The following BOD1L1 variants were observed in gnomAD, a reference collection of about 807,000 sequenced individuals.
BOD1L1 encodes the protein biorientation of chromosomes in cell division 1 like 1.
BOD1L1 carries 86 observed loss-of-function variants against 240.7 expected under a neutral mutation model. The observed-to-expected ratio is 0.36, with a 90% CI of 0.30 to 0.43. The LOEUF (loss-of-function observed/expected upper bound fraction) is 0.43. Among genes scored for constraint, BOD1L1 ranks in the 20% least tolerant of loss-of-function variants. The probability of loss-of-function intolerance (pLI) is 1.00; values close to 1 mark genes in which losing one functional copy is unlikely to be tolerated. For missense variants in BOD1L1, 3,554 were observed against 3,643.5 expected, an observed-to-expected ratio of 0.98 and a Z score of 0.63; for synonymous variants, 1,268 against 1,272.3, an observed-to-expected ratio of 1.00 and a Z score of 0.07.
At position 13,600,447 on chromosome 4, in the gene BOD1L1, T is replaced by A; in HGVS notation, c.6453A>T (p.Glu2151Asp). 6.2e-7 allele frequency: 1 copy of A among 1,613,820 alleles called. No homozygotes were observed. The highest frequency in any genetic ancestry group is 8.5e-7 in the Non-Finnish European group (1 of 1,179,844). Residue 2151 changes from glutamate (E) to aspartate (D), a missense_variant, in exon 10 of 26, where the codon GAA (glutamate) becomes GAT (aspartate). Glu to Asp is a conservative substitution (Grantham distance 45, BLOSUM62 2). Transcript: ENST00000040738. The part of the protein sequence containing the change: ...CAMISTSIGE[E>D]FELPISSATT... ...TTGCACTGGAGATAGGCAATTCGAA[T>A]TCTTCCCCTATGCTTGTGGAAATCA...
chr4:13,587,691 A>G lies in BOD1L1; in HGVS notation c.8353+8T>C. 1 of 1,534,772 alleles carries G rather than the reference A, an allele frequency of 6.5e-7. No individual in the cohort carries two copies. The highest frequency in any genetic ancestry group is 8.8e-7 in the Non-Finnish European group (1 of 1,130,432). On this transcript the variant is annotated splice_region_variant and intron_variant, in intron 16 of 25. Transcript: ENST00000040738. ...AGATGTCTAAAACAGAAACATAAAT[A>G]TAAATACCTGGTTCATCTTCTGAAG...
chr4:13,620,024 G>A lies in BOD1L1; in HGVS notation c.287C>T (p.Ala96Val), dbSNP rs1716921651. 17 of 1,610,304 alleles carry A rather than the reference G, an allele frequency of 1.1e-5. No individual in the cohort carries two copies. The highest frequency in any genetic ancestry group is 1.4e-5 in the Non-Finnish European group (16 of 1,178,080). ...NLRQRVDNFV[A>V]NHLATHTWSP... ...CCATGTGTGAGTTGCCAAGTGATTT[G>A]CAACAAAGTTGTCAACACGCTGTCT... is the stretch of plus-strand genomic sequence containing the variant. The change falls in exon 2 of 26, where the codon GCA becomes GTA. Residue 96 changes from alanine to valine, a missense_variant. By Grantham distance (64) the Ala-to-Val change is moderately conservative. Transcript: ENST00000040738.
intron 1 of BOD1L1, among the ~76,000 whole-genome samples, chr4:13,621,621 T>C (rs1326048461): frequency 6.6e-6 from 1 of 152,198 alleles, no homozygotes; most frequent in African/African-American, 2.4e-5. Flanking sequence ...AGCCTCCTCC[T>C]CTATCTCTCT....
chr4:13,571,721 C>T (rs1012812374), intron 25 of BOD1L1, among the ~76,000 whole-genome samples: 1 of 152,186 alleles, frequency 6.6e-6, no homozygotes, highest in African/African-American at 2.4e-5. Flanking sequence ...GACTTACAGA[C>T]CCAGGATCTG....
intron 12 of BOD1L1, among the ~76,000 whole-genome samples, chr4:13,594,693 G>A (rs1271863977): frequency 6.6e-6 from 1 of 152,108 alleles, no homozygotes; most frequent in African/African-American, 2.4e-5. Context: ...TCAGGAGATC[G>A]AGACCATCCT....
In BOD1L1 at chr4:13,599,185, G is replaced by C. The variant is rs369542596; in HGVS notation, c.7715C>G (p.Thr2572Ser). The change falls in exon 10 of 26, where the codon ACT (threonine) becomes AGT (serine). Residue 2572 changes from threonine (T) to serine (S), a missense_variant. Physicochemically the swap from Thr to Ser is moderately conservative, Grantham distance 58. This residue lies in a region of BOD1L1 where 3,393 missense variants were observed against 3,427.1 expected (regional missense o/e 0.99). Transcript: ENST00000040738. ...AGGAGCAATTTTTGATTCTTGGCCA[G>C]TAATACATTTGGTGGTACTGGTTTT... is the stretch of plus-strand genomic sequence containing the variant. ...NLKTSTTKCI[T>S]GQESKIAPSH... The C allele has an allele frequency of 3.7e-5, 59 of 1,613,882 alleles. No individual in the cohort carries two copies. The highest frequency in any genetic ancestry group is 5.0e-5 in the Non-Finnish European group (59 of 1,179,892).
intron 21 of BOD1L1, among the ~76,000 whole-genome samples, chr4:13,580,414 G>A (rs184185955): frequency 6.6e-6 from 1 of 152,326 alleles, no homozygotes; most frequent in East Asian, 1.9e-4. Flanking sequence ...CTCGGGATAA[G>A]TGACAAAGCT....
chr4:13,605,761 C>A (rs969190004), intron 9 of BOD1L1, among the ~76,000 whole-genome samples: 36 of 152,186 alleles, frequency 2.4e-4, no homozygotes, highest in African/African-American at 7.9e-4. Flanking sequence ...TGTATGGAAA[C>A]CTCATGAATT....
intron 17 of BOD1L1, among the ~76,000 whole-genome samples, chr4:13,583,577 C>A (rs979637643): frequency 3.3e-5 from 5 of 152,160 alleles, no homozygotes; most frequent in Admixed American, 6.5e-5. Flanking sequence ...ACACAGTCTA[C>A]TGAAACAGTG....
chr4:13,627,376 C>T lies in BOD1L1; in HGVS notation c.212G>A (p.Arg71His). The T allele has an allele frequency of 7.3e-7, 1 of 1,364,886 alleles. No homozygotes were observed. The highest frequency in any genetic ancestry group is 9.5e-7 in the Non-Finnish European group (1 of 1,048,738). The allele number at this position is 1,364,886 out of a possible 1,614,324, so 84.5% of individuals were successfully genotyped here. The change falls in exon 1 of 26, where the codon CGC (arginine) becomes CAC (histidine). Residue 71 changes from arginine (R) to histidine (H), a missense_variant. This residue lies in a region of BOD1L1 where 161 missense variants were observed against 216.4 expected (regional missense o/e 0.74). Transcript: ENST00000040738. ...GTCCACGTCGGCCAGGCAGTCTCTGCGGAACTGGTCGAAGAGCCCCTGGCT... is the reference window on the plus strand; with the variant it reads ...GTCCACGTCGGCCAGGCAGTCTCTGTGGAACTGGTCGAAGAGCCCCTGGCT... ...LKSQGLFDQF[R>H]RDCLADVDTK...
chr4:13,581,539 AAAT>A (rs1373499747), intron 19 of BOD1L1, among the ~76,000 whole-genome samples: 1 of 152,238 alleles, frequency 6.6e-6, no homozygotes, highest in Non-Finnish European at 1.5e-5. Context: ...AGTTGTGACC[AAAT>A]GATACCCTTA....
chr4:13,599,374 T>C lies in BOD1L1; in HGVS notation c.7526A>G (p.Glu2509Gly). The C allele has an allele frequency of 6.2e-7, 1 of 1,613,990 alleles. No individual in the cohort carries two copies. Among genetic ancestry groups the C allele is most frequent in the Non-Finnish European group, 8.5e-7 (1 of 1,179,886 alleles). The change falls in exon 10 of 26, where the codon GAA becomes GGA. Residue 2509 changes from glutamate to glycine, a missense_variant. By Grantham distance (98) the Glu-to-Gly change is moderately conservative. Around this residue, in one of 2 missense-constraint regions of BOD1L1, gnomAD observed 3,393 missense variants for 3,427.1 expected, o/e 0.99. Coordinates refer to ENST00000040738, the MANE Select transcript of BOD1L1 (RefSeq NM_148894.3). ...CTTAGCCGTCTGCCCAGACGTCTGT[T>C]CTGGTCCTCTCAGGTGGGCAGGTGA... Reference protein sequence around the residue: ...ANSPAHLRGPEQTSGQTAKDP... With the variant: ...ANSPAHLRGPGQTSGQTAKDP...
Position 13,599,175 on chromosome 4 carries a change from T to C in BOD1L1, c.7725A>G (p.Glu2575=). The C allele has an allele frequency of 1.9e-6, 3 of 1,614,016 alleles. No homozygotes were observed. The highest frequency in any genetic ancestry group is 2.5e-6 in the Non-Finnish European group (3 of 1,179,898). ...TTGTGTGGGAAGGAGCAATTTTTGA[T>C]TCTTGGCCAGTAATACATTTGGTGG... ...TSTTKCITGQ[E]SKIAPSHTMI... The change falls in exon 10 of 26, where the codon GAA becomes GAG. Residue 2575 remains glutamate, a synonymous_variant. Transcript: ENST00000040738.
Position 13,599,344 on chromosome 4 carries a change from G to C in BOD1L1, c.7556C>G (p.Pro2519Arg). Residue 2519 changes from proline (P) to arginine (R), a missense_variant, in exon 10 of 26, where the codon CCC (proline) becomes CGC (arginine). Coordinates refer to ENST00000040738, the MANE Select transcript of BOD1L1 (RefSeq NM_148894.3). ...EQTSGQTAKD[P>R]SVSIRYLAAV... Reference sequence around the variant, plus strand: ...TGCCAAATAGCGAATGCTGACAGAGGGATCCTTAGCCGTCTGCCCAGACGT... The same window carrying C: ...TGCCAAATAGCGAATGCTGACAGAGCGATCCTTAGCCGTCTGCCCAGACGT... 1 of 1,613,918 alleles carries C rather than the reference G, an allele frequency of 6.2e-7. No individual in the cohort carries two copies.
chr4:13,584,957 CT>C (rs1276441580), intron 17 of BOD1L1, among the ~76,000 whole-genome samples: 1 of 152,164 alleles, frequency 6.6e-6, no homozygotes, highest in Non-Finnish European at 1.5e-5. Context: ...TAACATTCTT[CT>C]GTAGTAACTG....
chr4:13,618,436 C>T (rs1177211831), intron 2 of BOD1L1, among the ~76,000 whole-genome samples: 5 of 152,226 alleles, frequency 3.3e-5, no homozygotes, highest in Non-Finnish European at 7.3e-5. Flanking sequence ...TCATTGTTCT[C>T]TTTGAAAGCC....
chr4:13,626,925 C>A (rs952237294), intron 1 of BOD1L1, among the ~76,000 whole-genome samples: 3 of 152,224 alleles, frequency 2.0e-5, no homozygotes, highest in Non-Finnish European at 4.4e-5. Flanking sequence ...TTACACATAA[C>A]TTGATTCAAT....
At position 13,601,190 on chromosome 4, in the gene BOD1L1, C is replaced by A. The variant is rs1577348922; in HGVS notation, c.5710G>T (p.Gly1904Trp). The change falls in exon 10 of 26, where the codon GGG becomes TGG. Residue 1904 changes from glycine (G) to tryptophan (W), a missense_variant. Gly to Trp is a radical substitution (Grantham distance 184). Transcript: ENST00000040738. ...EGVLICESAE[G>W]DSQIGTVVEH... ...ACCACAGTACCAATCTGACTGTCCC[C>A]TTCTGCACTTTCACAAATCAAGACC... 6.2e-7 allele frequency: 1 copy of A among 1,614,014 alleles called. No homozygotes were observed. Among genetic ancestry groups the A allele is most frequent in the South Asian group, 1.1e-5 (1 of 91,078 alleles).
intron 25 of BOD1L1, among the ~76,000 whole-genome samples, chr4:13,573,121 G>A (rs951345398): frequency 1.2e-4 from 18 of 152,006 alleles, no homozygotes; most frequent in African/African-American, 1.9e-4. Context: ...TATACTGGCC[G>A]ACAAAATAAA....
Sources: gnomAD v4.1 joint callset for allele counts (sites outside exome capture counted in the v4.1 genomes callset) on GRCh38, gnomAD v4.1.1 for gene constraint, gnomAD v4.1.1 regional missense constraint, MANE v1.5 for transcripts, NCBI Gene and HGNC (gene_info 2026-07-23, HGNC 2026-07-21) for gene names.